Variants in FSTL4 observed in about 807,000 individuals in gnomAD.
The protein encoded by FSTL4 is follistatin-related protein 4.
Under a neutral mutation model 78.2 loss-of-function variants are expected in FSTL4, and 28 were observed. The ratio of observed to expected loss-of-function variants is 0.36; its 90% confidence interval spans 0.27 to 0.49. The LOEUF (loss-of-function observed/expected upper bound fraction) is 0.49, where lower values mean the gene tolerates loss of function less well. Ranked by LOEUF, FSTL4 falls within the 20% of genes least tolerant of loss-of-function variation. The pLI is 0.98. For missense variants in FSTL4, 922 were observed against 1,084.9 expected, an observed-to-expected ratio of 0.85 and a Z score of 2.11; for synonymous variants, 422 against 440.5, an observed-to-expected ratio of 0.96 and a Z score of 0.53.
rs202162962 is a variant in FSTL4, at chr5:133,225,854, C to T, written c.1016-35G>A. On this transcript the variant is annotated intron_variant, in intron 8 of 15. Coordinates refer to ENST00000265342, the MANE Select transcript of FSTL4 (RefSeq NM_015082.2). This position sits in a 1 kb window ranked among gnomAD's most constrained non-coding sequence, Gnocchi z 4.6. ...AGAGTCAGTGCTGGTGAGAAAGAGA[C>T]GGCCCTGACCTGGACTTGGGCCTGT... The T allele has an allele frequency of 2.9e-4, 425 of 1,481,258 alleles. No individual in the cohort carries two copies. The highest frequency in any genetic ancestry group is 3.6e-4 in the Admixed American group (15 of 41,728). The allele number at this position is 1,481,258 out of a possible 1,614,324, so 91.8% of individuals were successfully genotyped here. A position where few individuals can be genotyped will look rare whatever the true frequency, so the allele number is the denominator to read the frequency against.
intron 3 of FSTL4, among the ~76,000 whole-genome samples, chr5:133,408,535 G>A (rs562838796): frequency 1.4e-4 from 21 of 150,298 alleles, no homozygotes; most frequent in Non-Finnish European, 2.8e-4. Flanking sequence ...GGAGCTGACC[G>A]AGCTGAGGAT....
At chr5:133,297,441 G>T (rs146735768) in intron 6 of FSTL4, among the ~76,000 whole-genome samples, 1 of 152,166 alleles carries the variant, frequency 6.6e-6, no homozygotes, top group East Asian at 1.9e-4. Flanking sequence ...GAGCCATCAT[G>T]CATGGGTTGG....
chr5:133,314,172 G>A (rs1753849156), intron 5 of FSTL4, among the ~76,000 whole-genome samples: 1 of 152,190 alleles, frequency 6.6e-6, no homozygotes, highest in African/African-American at 2.4e-5. Context: ...GGTAGTTTGA[G>A]GAATTGCCAG....
the FSTL4 span, among the ~76,000 whole-genome samples, chr5:133,731,802 G>T: frequency 3.3e-5 from 5 of 152,192 alleles, no homozygotes; most frequent in Admixed American, 2.6e-4. Flanking sequence ...GACAGACACT[G>T]CTGGGGTGCT....
intron 3 of FSTL4, among the ~76,000 whole-genome samples, chr5:133,494,781 G>A (rs1404155828): frequency 6.6e-6 from 1 of 152,236 alleles, no homozygotes; most frequent in East Asian, 1.9e-4. Context: ...TGGCCCGGGT[G>A]TGCTGAGGAA....
At chr5:133,739,041 T>C in the FSTL4 span, among the ~76,000 whole-genome samples, 1 of 152,086 alleles carries the variant, frequency 6.6e-6, no homozygotes, top group Non-Finnish European at 1.5e-5. Flanking sequence ...CACCCCCTCA[T>C]GGAAGCAGCT....
intron 2 of FSTL4, among the ~76,000 whole-genome samples, chr5:133,573,060 C>T (rs1580797874): frequency 6.6e-6 from 1 of 151,972 alleles, no homozygotes; most frequent in Admixed American, 6.5e-5. Context: ...CTGGCTAACA[C>T]AGTGTAACCC....
intron 3 of FSTL4, among the ~76,000 whole-genome samples, chr5:133,499,663 G>C (rs1758448927): frequency 6.6e-6 from 1 of 152,270 alleles, no homozygotes; most frequent in African/African-American, 2.4e-5. Context: ...CTGTGACTGA[G>C]CACAGGCTCA....
chr5:133,352,257 T>C (rs1393384230), intron 4 of FSTL4, among the ~76,000 whole-genome samples: 2 of 59,158 alleles, frequency 3.4e-5, no homozygotes, highest in South Asian at 4.3e-4. Flanking sequence ...TACACACATA[T>C]ATATATACAC....
chr5:133,519,878 G>A (rs1758939484), intron 3 of FSTL4, among the ~76,000 whole-genome samples: 1 of 152,190 alleles, frequency 6.6e-6, no homozygotes, highest in Non-Finnish European at 1.5e-5. Flanking sequence ...GGCAGGAGAT[G>A]TAGGTGTCAC....
chr5:133,649,175 C>T, the FSTL4 span, among the ~76,000 whole-genome samples: 1 of 152,068 alleles, frequency 6.6e-6, no homozygotes, highest in African/African-American at 2.4e-5. Flanking sequence ...AAGTTTCTTC[C>T]GTGTCTTTTC....
intron 3 of FSTL4, among the ~76,000 whole-genome samples, chr5:133,480,237 A>C (rs1368195618): frequency 6.6e-6 from 1 of 152,240 alleles, no homozygotes; most frequent in African/African-American, 2.4e-5. Flanking sequence ...GCCCTTGGGC[A>C]AATTACTTCA....
the FSTL4 span, among the ~76,000 whole-genome samples, chr5:133,745,881 C>G: frequency 2.0e-5 from 3 of 152,316 alleles, no homozygotes; most frequent in South Asian, 6.2e-4. Flanking sequence ...TTTTGCGTCC[C>G]CCTCACGTTA....
intron 3 of FSTL4, among the ~76,000 whole-genome samples, chr5:133,537,773 TTC>T (rs1284902450): frequency 6.7e-6 from 1 of 150,198 alleles, no homozygotes; most frequent in Non-Finnish European, 1.5e-5. Context: ...TGCTTATCAT[TTC>T]TCTCTCACAT....
At chr5:133,717,965 T>C in the FSTL4 span, among the ~76,000 whole-genome samples, 1 of 152,354 alleles carries the variant, frequency 6.6e-6, no homozygotes, top group South Asian at 2.1e-4. Context: ...TTTTTAACTT[T>C]ATAAGAAACT....
intron 7 of FSTL4, among the ~76,000 whole-genome samples, chr5:133,242,588 A>G (rs914327699): frequency 6.6e-6 from 1 of 152,090 alleles, no homozygotes; most frequent in African/African-American, 2.4e-5. Flanking sequence ...GGCACTGAGA[A>G]AGCAAAGGCC....
At chr5:133,386,966 T>C (rs1755714094) in intron 4 of FSTL4, among the ~76,000 whole-genome samples, 2 of 152,270 alleles carry the variant, frequency 1.3e-5, no homozygotes, top group African/African-American at 4.8e-5. Context: ...ATATTTGATG[T>C]CTGCGGTAAC....
At chr5:133,677,246 T>C in the FSTL4 span, among the ~76,000 whole-genome samples, 1 of 152,204 alleles carries the variant, frequency 6.6e-6, no homozygotes, top group African/African-American at 2.4e-5. Flanking sequence ...ATTCTTCTGC[T>C]AAGACTCTTT....
chr5:133,392,381 G>C (rs1353625086), intron 4 of FSTL4, among the ~76,000 whole-genome samples: 1 of 152,182 alleles, frequency 6.6e-6, no homozygotes, highest in Non-Finnish European at 1.5e-5. Context: ...GAGAGTCAGA[G>C]GGATGGGGGC....
Sources: allele counts gnomAD v4.1 joint callset (sites outside exome capture counted in the v4.1 genomes callset), GRCh38; gene constraint gnomAD v4.1.1; non-coding constraint Gnocchi (gnomAD v3.1); transcripts MANE v1.5; gene names NCBI Gene and HGNC (gene_info 2026-07-23, HGNC 2026-07-21).